The following FOXP2 variants were observed in gnomAD, a reference collection of about 807,000 sequenced individuals.
FOXP2 encodes forkhead box P2, also known as forkhead box protein P2.
Under a neutral mutation model 115.8 loss-of-function variants are expected in FOXP2, and 12 were observed. That is an observed-to-expected ratio of 0.10 (90% CI 0.07 to 0.17). The LOEUF is 0.17. Among genes scored for constraint, FOXP2 ranks in the 10% least tolerant of loss-of-function variants. FOXP2 has a pLI of 1.00. For missense variants in FOXP2, 629 were observed against 843.5 expected, an observed-to-expected ratio of 0.75 and a Z score of 3.15; for synonymous variants, 328 against 297.7, an observed-to-expected ratio of 1.10 and a Z score of -1.05.
At chr7:114,355,687 A>C (rs1331618398) in intron 2 of FOXP2, among the ~76,000 whole-genome samples, 1 of 152,180 alleles carries the variant, frequency 6.6e-6, no homozygotes, top group African/African-American at 2.4e-5. Flanking sequence ...ACCATCTGGG[A>C]GTACAAACCT....
intron 3 of FOXP2, among the ~76,000 whole-genome samples, chr7:114,617,304 T>A (rs1187185234): frequency 6.6e-6 from 1 of 152,202 alleles, no homozygotes; most frequent in Non-Finnish European, 1.5e-5. Context: ...TTTCTACATA[T>A]AATAAAGCAC....
intron 2 of FOXP2, among the ~76,000 whole-genome samples, chr7:114,365,420 T>G (rs1366510984): frequency 6.6e-6 from 1 of 152,124 alleles, no homozygotes; most frequent in African/African-American, 2.4e-5. Context: ...TTTGAACCTA[T>G]TCATGATTTT....
chr7:114,237,479 C>A (rs995210591), intron 1 of FOXP2, among the ~76,000 whole-genome samples: 18 of 152,140 alleles, frequency 1.2e-4, no homozygotes, highest in African/African-American at 4.1e-4. Flanking sequence ...TTGTAATATA[C>A]AATGGCTAAA....
intron 1 of FOXP2, among the ~76,000 whole-genome samples, chr7:114,171,385 C>A (rs1393950857): frequency 6.6e-6 from 1 of 152,112 alleles, no homozygotes; most frequent in Non-Finnish European, 1.5e-5. Context: ...CCAGCCTGGG[C>A]AACATAACGA....
chr7:114,657,968 A>G, intron 10 of FOXP2, 98 bp from the exon 11 acceptor site: 9 of 1,301,864 alleles, frequency 6.9e-6, no homozygotes, highest in Non-Finnish European at 1.0e-5. Context: ...TAGTGGCAAC[A>G]CAGCTGTAGA....
At chr7:114,617,924 G>T (rs964753484) in intron 3 of FOXP2, among the ~76,000 whole-genome samples, 10 of 152,168 alleles carry the variant, frequency 6.6e-5, no homozygotes, top group African/African-American at 2.4e-4. Context: ...TAGTCATAAA[G>T]AATAACTTGC....
chr7:114,641,210 T>C (rs1805511068), intron 6 of FOXP2, among the ~76,000 whole-genome samples: 1 of 152,186 alleles, frequency 6.6e-6, no homozygotes, highest in South Asian at 2.1e-4. Context: ...TATTAGTTTG[T>C]ACTGAGGATT....
intron 2 of FOXP2, among the ~76,000 whole-genome samples, chr7:114,349,917 A>G (rs1276323746): frequency 1.3e-5 from 2 of 152,106 alleles, no homozygotes; most frequent in South Asian, 4.1e-4. Flanking sequence ...GGGTGATTTC[A>G]AAGAATGACC....
upstream of FOXP2, among the ~76,000 whole-genome samples, chr7:114,160,689 T>C (rs565574009): frequency 2.0e-5 from 3 of 152,136 alleles, no homozygotes; most frequent in South Asian, 6.2e-4. Context: ...TTTTAGCACA[T>C]TATATACTAT....
rs188082701 is a variant in FOXP2, at chr7:114,433,729, A to G, written c.168+7050A>G. 4.6e-5 allele frequency among the ~76,000 whole-genome samples: 7 copies of G among 152,130 alleles called. No homozygotes were observed. In the East Asian group the frequency reaches 1.4e-3, roughly 29 times the overall value. ...ACATATGTGCTTTGACTATGGATAT[A>G]TGTATATATGAGATCCAAGTCAGTT... On this transcript the variant is annotated intron_variant, in intron 2 of 16. Coordinates refer to ENST00000350908, the MANE Select transcript of FOXP2 (RefSeq NM_014491.4).
At position 114,171,975 on chromosome 7, in the gene FOXP2, AAG is replaced by A. The variant is rs766791537; in HGVS notation, c.-102+8891_-102+8892del. 3.3e-5 allele frequency among the ~76,000 whole-genome samples: 5 copies of A among 152,306 alleles called. No homozygotes were observed. In the East Asian group the frequency reaches 9.7e-4, roughly 29 times the overall value. On this transcript the variant is annotated intron_variant, in intron 1 of 17. Transcript: ENST00000634411. ...TAACCTCAGATGTGGTAGAAATAGAAAGAGAACTAGAATTAGAATTGGAGCCT... is the reference window on the plus strand; with the variant it reads ...TAACCTCAGATGTGGTAGAAATAGAAAGAACTAGAATTAGAATTGGAGCCT...
chr7:114,368,971 T>C (rs923416787), intron 2 of FOXP2, among the ~76,000 whole-genome samples: 1 of 152,230 alleles, frequency 6.6e-6, no homozygotes, highest in Admixed American at 6.5e-5. Context: ...TGTCTCTGCT[T>C]TGCATGGCTT....
chr7:114,173,626 A>C (rs1371693631), intron 1 of FOXP2, among the ~76,000 whole-genome samples: 1 of 151,790 alleles, frequency 6.6e-6, no homozygotes, highest in Non-Finnish European at 1.5e-5. Context: ...TGTTTCTCTG[A>C]AAACTTGGCA....
At chr7:114,115,730 A>G (rs1791390455) in intron 1 of FOXP2, among the ~76,000 whole-genome samples, 1 of 152,060 alleles carries the variant, frequency 6.6e-6, no homozygotes, top group Non-Finnish European at 1.5e-5. Flanking sequence ...AAAGTTCATA[A>G]TGACACATTC....
chr7:114,297,212 G>T, intron 2 of FOXP2: 1 of 481,034 alleles, frequency 2.1e-6, no homozygotes, highest in Non-Finnish European at 4.1e-6. Context: ...TTTTCTCGAT[G>T]AAACTTGAGG....
At chr7:114,148,543 A>G (rs574716621) in intron 1 of FOXP2, among the ~76,000 whole-genome samples, 2 of 152,154 alleles carry the variant, frequency 1.3e-5, no homozygotes, top group African/African-American at 4.8e-5. Context: ...GGCAAGGTTA[A>G]TTTTGCATTA....
At position 114,126,636 on chromosome 7, in the gene FOXP2, A is replaced by G. The variant is rs143236677; in HGVS notation, c.-246-36308A>G. 4.7e-3 allele frequency among the ~76,000 whole-genome samples: 719 copies of G among 152,256 alleles called. 6 individuals carry two copies. The highest frequency in any genetic ancestry group is 0.016 in the African/African-American group (682 of 41,562). On this transcript the variant is annotated intron_variant, in intron 1 of 19. Coordinates refer to the FOXP2 transcript ENST00000635638. ...AGAACCTGGTCATAAAAGGACATAC[A>G]TAATCTTGCAGTGAAAACCCTTAAA... is the stretch of plus-strand genomic sequence containing the variant.
chr7:114,593,630 A>G (rs1352620310), intron 3 of FOXP2, among the ~76,000 whole-genome samples: 1 of 152,024 alleles, frequency 6.6e-6, no homozygotes, highest in Non-Finnish European at 1.5e-5. Context: ...TGTATTTTAA[A>G]TCTTCACATA....
intron 1 of FOXP2, among the ~76,000 whole-genome samples, chr7:114,201,620 G>A (rs1382078568): frequency 6.6e-6 from 1 of 151,900 alleles, no homozygotes; most frequent in African/African-American, 2.4e-5. Context: ...TGTTTTTACT[G>A]AATACATACA....
Sources: gnomAD v4.1 joint callset for allele counts (sites outside exome capture counted in the v4.1 genomes callset) on GRCh38, gnomAD v4.1.1 for gene constraint, MANE v1.5 for transcripts, NCBI Gene and HGNC (gene_info 2026-07-23, HGNC 2026-07-21) for gene names.